The following LRTM1 variants were observed in gnomAD, a reference collection of about 807,000 sequenced individuals.
The protein encoded by LRTM1 is leucine rich repeat transmembrane protein 1.
LRTM1 carries 38 observed loss-of-function variants against 32.4 expected under a neutral mutation model. The ratio of observed to expected loss-of-function variants is 1.17; its 90% CI spans 0.91 to 1.54. The LOEUF (loss-of-function observed/expected upper bound fraction) is 1.54. Among genes scored for constraint, LRTM1 ranks in the 40% most tolerant of loss-of-function variants. LRTM1 has a pLI of 0.00. For missense variants in LRTM1, 466 were observed against 415.4 expected, an observed-to-expected ratio of 1.12 and a Z score of -1.06; for synonymous variants, 186 against 169.9, an observed-to-expected ratio of 1.09 and a Z score of -0.74.
intron 1 of LRTM1, among the ~76,000 whole-genome samples, chr3:54,961,890 G>A (rs1338136065): frequency 6.6e-6 from 1 of 152,114 alleles, no homozygotes; most frequent in Admixed American, 6.5e-5. Context: ...CAGAGGCTGA[G>A]AAGTCCAAGT....
intron 1 of LRTM1, among the ~76,000 whole-genome samples, chr3:54,960,470 T>C (rs1007944583): frequency 1.3e-5 from 2 of 152,232 alleles, no homozygotes; most frequent in Non-Finnish European, 2.9e-5. Context: ...ATGAGGTGTT[T>C]CTGCTGCTGT....
At chr3:54,962,647 G>T (rs951726287) in intron 1 of LRTM1, among the ~76,000 whole-genome samples, 3 of 152,204 alleles carry the variant, frequency 2.0e-5, no homozygotes, top group African/African-American at 7.2e-5. Context: ...CACAGCAGTG[G>T]TCTTAAAACG....
intron 1 of LRTM1, among the ~76,000 whole-genome samples, chr3:54,938,541 T>C (rs1701384449): frequency 6.6e-6 from 1 of 152,060 alleles, no homozygotes; most frequent in African/African-American, 2.4e-5. Context: ...AAGTATATAA[T>C]ACAAAGCCAA....
chr3:54,924,797 T>G lies in LRTM1; in HGVS notation c.426A>C (p.Gly142=). Residue 142 remains glycine, a synonymous_variant, in exon 2 of 3, where the codon GGA becomes GGC. Transcript: ENST00000273286. ...NNISHLPTSL[G]ETWENLTILA... ...GTATAGTTAGGTTCTCCCAAGTCTC[T>G]CCCAAGGATGTGGGAAGGTGGCTTA... The G allele has an allele frequency of 6.2e-7, 1 of 1,614,052 alleles. No homozygotes were observed. Among genetic ancestry groups the G allele is most frequent in the South Asian group, 1.1e-5 (1 of 91,072 alleles).
At chr3:54,934,337 T>G (rs1419518516) in intron 1 of LRTM1, among the ~76,000 whole-genome samples, 1 of 152,202 alleles carries the variant, frequency 6.6e-6, no homozygotes, top group Non-Finnish European at 1.5e-5. Context: ...CTTGAGCCGT[T>G]CAGTGGAGAA....
In LRTM1 at chr3:54,918,967, A is replaced by C. The variant is rs1700752297; in HGVS notation, c.605-75T>G. ...GTTCCAAAATCCTCTGCCTGCAAAA[A>C]CTTAGGCAGATGGAATTTATGAAGT... On this transcript the variant is annotated intron_variant, in intron 2 of 2. Coordinates refer to ENST00000273286, the MANE Select transcript of LRTM1 (RefSeq NM_020678.4). 2.4e-6 allele frequency: 3 copies of C among 1,259,152 alleles called. No homozygotes were observed. The Admixed American group carries it at 8.8e-5, about 37-fold the overall frequency. 78.0% of individuals were successfully genotyped at this position (1,259,152 alleles called of 1,614,324 possible).
chr3:54,939,902 A>T (rs1701423599), intron 1 of LRTM1, among the ~76,000 whole-genome samples: 1 of 152,228 alleles, frequency 6.6e-6, no homozygotes, highest in South Asian at 2.1e-4. Context: ...CTGAAGATAG[A>T]GCATGCCCTG....
chr3:54,957,752 A>G (rs998888985), intron 1 of LRTM1, among the ~76,000 whole-genome samples: 5 of 152,094 alleles, frequency 3.3e-5, no homozygotes, highest in South Asian at 2.1e-4. Context: ...CCATTGCTCC[A>G]TGCCAGTCCG....
At chr3:54,929,293 G>A (rs1322672393), upstream of LRTM1, among the ~76,000 whole-genome samples, 3 of 152,156 alleles carry the variant, frequency 2.0e-5, no homozygotes, top group Non-Finnish European at 4.4e-5. Context: ...GTCTTCATAA[G>A]TGTTCACAAT....
At chr3:54,919,394 A>C (rs142411392) in intron 2 of LRTM1, among the ~76,000 whole-genome samples, 3 of 152,232 alleles carry the variant, frequency 2.0e-5, no homozygotes, top group African/African-American at 7.2e-5. Context: ...AGTGATGCCA[A>C]ATGGAGAGGT....
At chr3:54,950,535 A>G (rs574637965) in intron 1 of LRTM1, among the ~76,000 whole-genome samples, 64 of 152,310 alleles carry the variant, frequency 4.2e-4, no homozygotes, top group Admixed American at 3.5e-3. Context: ...GCAGTTTGCA[A>G]TGCTTCCTCC....
At chr3:54,934,627 G>T (rs1200958815) in intron 1 of LRTM1, among the ~76,000 whole-genome samples, 1 of 152,160 alleles carries the variant, frequency 6.6e-6, no homozygotes, top group East Asian at 1.9e-4. Context: ...GCATCCACGT[G>T]TCCACAGAGC....
At chr3:54,934,018 G>A (rs1208743337) in intron 1 of LRTM1, among the ~76,000 whole-genome samples, 2 of 152,144 alleles carry the variant, frequency 1.3e-5, no homozygotes, top group Non-Finnish European at 2.9e-5. Context: ...TGGTCCACCT[G>A]CCTCGGCCTC....
rs572877796 is a variant in LRTM1, at chr3:54,941,549, C to T, written c.-221-16334G>A. Among the ~76,000 whole-genome samples, 460 of 152,262 alleles carry T rather than the reference C, an allele frequency of 3.0e-3. 1 individual carries two copies. Among genetic ancestry groups the T allele is most frequent in the Non-Finnish European group, 5.2e-3 (351 of 68,030 alleles). ...TATGTGGGTGAGCAGTAAATAAAAT[C>T]TTAACGACATTTGGGTTTTTCAATA... On this transcript the variant is annotated intron_variant, in intron 1 of 2. Coordinates refer to the LRTM1 transcript ENST00000493075.
At chr3:54,943,315 A>G (rs111296739) in intron 1 of LRTM1, among the ~76,000 whole-genome samples, 3,032 of 151,864 alleles carry the variant, frequency 0.02, 90 homozygotes, top group African/African-American at 0.066. Context: ...ACCACTTCCA[A>G]CTCTCTTAGT....
chr3:54,928,451 C>G (rs77766449), upstream of LRTM1, among the ~76,000 whole-genome samples: 1,767 of 152,262 alleles, frequency 0.012, 32 homozygotes, highest in African/African-American at 0.04. Flanking sequence ...GGGGGTCGAG[C>G]AGCAGAGCCC....
intron 1 of LRTM1, among the ~76,000 whole-genome samples, chr3:54,952,341 C>T (rs980295548): frequency 6.6e-6 from 1 of 152,134 alleles, no homozygotes; most frequent in Non-Finnish European, 1.5e-5. Context: ...CCAGGAGGCT[C>T]CCCAGTTGTC....
chr3:54,947,814 A>T (rs1701652661), intron 1 of LRTM1, among the ~76,000 whole-genome samples: 1 of 152,096 alleles, frequency 6.6e-6, no homozygotes, highest in East Asian at 1.9e-4. Flanking sequence ...ATGTTTGGGG[A>T]TGTGGGTCAG....
chr3:54,941,686 A>G (rs1308443041), intron 1 of LRTM1, among the ~76,000 whole-genome samples: 1 of 152,238 alleles, frequency 6.6e-6, no homozygotes, highest in Non-Finnish European at 1.5e-5. Context: ...GTTTTATTAA[A>G]GTAATAATTT....
Sources: gnomAD v4.1 joint callset for allele counts (sites outside exome capture counted in the v4.1 genomes callset) on GRCh38, gnomAD v4.1.1 for gene constraint, MANE v1.5 for transcripts, NCBI Gene and HGNC (gene_info 2026-07-23, HGNC 2026-07-21) for gene names.